PDSS2: variants seen among roughly 807,000 people sequenced by gnomAD.
PDSS2 encodes all trans-polyprenyl-diphosphate synthase PDSS2.
A neutral mutation model predicts 44.5 loss-of-function variants in PDSS2; 31 were observed. The observed-to-expected ratio is 0.70, with a 90% confidence interval of 0.52 to 0.94. The LOEUF is 0.94. Ranked by LOEUF, PDSS2 falls within the 40% of genes least tolerant of loss-of-function variation. PDSS2 has a pLI of 0.00. For missense variants in PDSS2, 452 were observed against 482.2 expected, an observed-to-expected ratio of 0.94 and a Z score of 0.59; for synonymous variants, 157 against 180.3, an observed-to-expected ratio of 0.87 and a Z score of 1.03.
intron 6 of PDSS2, 106 bp from the exon 7 acceptor site, chr6:107,193,960 C>A: frequency 1.3e-6 from 1 of 762,412 alleles, no homozygotes; most frequent in Non-Finnish European, 2.4e-6. Context: ...GTCCCCCTTT[C>A]CCTCTCTCTA....
chr6:107,175,628 T>C (rs1771760912), intron 7 of PDSS2, among the ~76,000 whole-genome samples: 1 of 152,150 alleles, frequency 6.6e-6, no homozygotes, highest in East Asian at 1.9e-4. Flanking sequence ...TTGCAGAAAA[T>C]TGAAGCCATT....
chr6:107,276,501 G>A (rs777049789), intron 2 of PDSS2, among the ~76,000 whole-genome samples: 5 of 152,162 alleles, frequency 3.3e-5, no homozygotes, highest in African/African-American at 7.2e-5. Context: ...CATCCATATC[G>A]AGACCTAACA....
intron 2 of PDSS2, among the ~76,000 whole-genome samples, chr6:107,291,109 A>G (rs1776331615): frequency 6.6e-6 from 1 of 152,166 alleles, no homozygotes; most frequent in African/African-American, 2.4e-5. Context: ...ATAACCTTTA[A>G]CTAATTATAA....
intron 7 of PDSS2, among the ~76,000 whole-genome samples, chr6:107,180,940 A>C (rs963424894): frequency 6.6e-6 from 1 of 152,000 alleles, no homozygotes; most frequent in South Asian, 2.1e-4. Flanking sequence ...CATCTCCCGG[A>C]TTCAAGCGAT....
intron 2 of PDSS2, among the ~76,000 whole-genome samples, chr6:107,326,193 C>T (rs1777539811): frequency 6.6e-6 from 1 of 150,750 alleles, no homozygotes; most frequent in Non-Finnish European, 1.5e-5. Flanking sequence ...ACCTCCGTCT[C>T]CCGGGTTGAA....
chr6:107,352,054 G>A (rs1562481390), intron 1 of PDSS2, among the ~76,000 whole-genome samples: 2 of 152,236 alleles, frequency 1.3e-5, no homozygotes, highest in South Asian at 4.1e-4. Context: ...TTAAAATGTT[G>A]CTAAGAAATG....
intron 2 of PDSS2, among the ~76,000 whole-genome samples, chr6:107,315,557 T>G (rs578174231): frequency 1.6e-4 from 25 of 152,286 alleles, no homozygotes; most frequent in African/African-American, 5.8e-4. Context: ...AGTGCTGTCA[T>G]GTCAGACCCT....
intron 4 of PDSS2, among the ~76,000 whole-genome samples, chr6:107,221,290 C>T (rs907118932): frequency 1.5e-5 from 2 of 132,922 alleles, no homozygotes. Flanking sequence ...TGTAGTGAGC[C>T]GAGACCGCAC....
At chr6:107,347,517 C>T (rs534974371) in intron 1 of PDSS2, among the ~76,000 whole-genome samples, 32 of 152,214 alleles carry the variant, frequency 2.1e-4, no homozygotes, top group African/African-American at 7.7e-4. Context: ...CTCGCCTCGG[C>T]CTCCCAAAGT....
rs567338894 is a variant in PDSS2 at position 107,404,564 on chromosome 6, A to G, written c.296+54426T>C. ...GGAAGGACTCACAATCACGGCAGAA[A>G]GCGAACAAGGAGTAAAGGCACGTCT... On this transcript the variant is annotated intron_variant, in intron 1 of 7. Coordinates refer to ENST00000369037, the MANE Select transcript of PDSS2 (RefSeq NM_020381.4). Among the ~76,000 whole-genome samples, 57 of 152,368 alleles carry G rather than the reference A, an allele frequency of 3.7e-4. 1 individual carries two copies. In the South Asian group the frequency reaches 5.2e-3, roughly 14 times the overall value.
At chr6:107,422,981 C>A (rs772578597) in intron 1 of PDSS2, among the ~76,000 whole-genome samples, 2 of 152,028 alleles carry the variant, frequency 1.3e-5, no homozygotes, top group African/African-American at 4.8e-5. Context: ...AATAAAACTA[C>A]CCTGCCTGAT....
chr6:107,166,871 T>C (rs12208464), intron 7 of PDSS2, among the ~76,000 whole-genome samples: 31,164 of 152,146 alleles, frequency 0.2, 3,812 homozygotes, highest in Middle Eastern at 0.34. Context: ...CTGCTGGATT[T>C]GGTTTGCCAG....
intron 1 of PDSS2, among the ~76,000 whole-genome samples, chr6:107,420,835 A>C (rs1780802154): frequency 6.6e-6 from 1 of 152,026 alleles, no homozygotes; most frequent in Admixed American, 6.6e-5. Context: ...GAAAAAAAAA[A>C]AACCAGTAAC....
chr6:107,310,400 A>C (rs1483341935), intron 2 of PDSS2, among the ~76,000 whole-genome samples: 1 of 152,120 alleles, frequency 6.6e-6, no homozygotes, highest in African/African-American at 2.4e-5. Context: ...AAAAGACTAA[A>C]AGTAATCACC....
chr6:107,178,692 T>C (rs1385685433), intron 7 of PDSS2, among the ~76,000 whole-genome samples: 1 of 152,142 alleles, frequency 6.6e-6, no homozygotes, highest in Non-Finnish European at 1.5e-5. Flanking sequence ...TTGTAGTATG[T>C]CTAAAGCACT....
intron 1 of PDSS2, among the ~76,000 whole-genome samples, chr6:107,346,875 TGTATTGATA>T (rs1416566221): frequency 6.6e-6 from 1 of 152,214 alleles, no homozygotes; most frequent in Non-Finnish European, 1.5e-5. Context: ...ATAGGTCTGG[TGTATTGATA>T]GAGTTCGACC....
chr6:107,341,119 G>A (rs1235282620), intron 1 of PDSS2, among the ~76,000 whole-genome samples: 1 of 152,128 alleles, frequency 6.6e-6, no homozygotes, highest in Non-Finnish European at 1.5e-5. Context: ...TCAGTTAGGA[G>A]GAGCCTCTTC....
chr6:107,307,480 A>G (rs1048305871), intron 2 of PDSS2, among the ~76,000 whole-genome samples: 1 of 151,826 alleles, frequency 6.6e-6, no homozygotes, highest in Non-Finnish European at 1.5e-5. Flanking sequence ...AGCTCATCTG[A>G]TATACCTCCA....
chr6:107,211,979 G>A (rs1395753783), intron 5 of PDSS2, 130 bp downstream of exon 5: 2 of 775,030 alleles, frequency 2.6e-6, no homozygotes, highest in Non-Finnish European at 4.5e-6. Context: ...AATCATCCAG[G>A]ACTGACAGAT....
Sources: allele counts gnomAD v4.1 joint callset (sites outside exome capture counted in the v4.1 genomes callset), GRCh38; gene constraint gnomAD v4.1.1; transcripts MANE v1.5; gene names NCBI Gene and HGNC (gene_info 2026-07-23, HGNC 2026-07-21).